The following ACMSD variants were observed in gnomAD, a reference collection of about 807,000 sequenced individuals.
The protein encoded by ACMSD is aminocarboxymuconate semialdehyde decarboxylase.
A neutral mutation model predicts 45.9 loss-of-function variants in ACMSD; 37 were observed. That is an observed-to-expected ratio of 0.81 (90% confidence interval 0.62 to 1.06). The LOEUF is 1.06. Among genes scored for constraint, ACMSD ranks in the 50% least tolerant of loss-of-function variants. The pLI is 0.00. For missense variants in ACMSD, 434 were observed against 420.9 expected, an observed-to-expected ratio of 1.03 and a Z score of -0.27; for synonymous variants, 138 against 148.8, an observed-to-expected ratio of 0.93 and a Z score of 0.53.
At chr2:134,870,093 C>T (rs1688354918) in intron 6 of ACMSD, among the ~76,000 whole-genome samples, 1 of 152,224 alleles carries the variant, frequency 6.6e-6, no homozygotes, top group African/African-American at 2.4e-5. Flanking sequence ...TGAAGCCTAG[C>T]TCCGCAGCCT....
At chr2:134,858,478 T>C (rs1354845286) in intron 2 of ACMSD, among the ~76,000 whole-genome samples, 1 of 152,126 alleles carries the variant, frequency 6.6e-6, no homozygotes, top group African/African-American at 2.4e-5. Flanking sequence ...TAAAAATGTA[T>C]TGTATACTTG....
At position 134,872,599 on chromosome 2, in the gene ACMSD, T is replaced by G. The variant is rs767141646; in HGVS notation, c.807T>G (p.His269Gln). ...LGSFYTDALV[H>Q]DPLSLKLLTD... ...CCTTTTACACAGATGCTTTGGTTCA[T>G]GATCCTCTGTCCCTCAAGCTGTTAA... Residue 269 changes from histidine to glutamine, a missense_variant, in exon 8 of 10, where the codon CAT becomes CAG. His to Gln is a conservative substitution (Grantham distance 24). Coordinates refer to ENST00000356140, the MANE Select transcript of ACMSD (RefSeq NM_138326.3). 1.2e-6 allele frequency: 2 copies of G among 1,614,070 alleles called. No individual in the cohort carries two copies. Among genetic ancestry groups the G allele is most frequent in the South Asian group, 1.1e-5 (1 of 91,090 alleles).
At chr2:134,857,059 A>AT (rs2104842769) in intron 2 of ACMSD, among the ~76,000 whole-genome samples, 1 of 152,010 alleles carries the variant, frequency 6.6e-6, no homozygotes, top group Non-Finnish European at 1.5e-5. Flanking sequence ...GTCTTCTTTA[A>AT]TTTTTTCATC....
At chr2:134,838,840 G>C (rs1686652753) in intron 1 of ACMSD, 101 bp downstream of exon 1, 1 of 867,092 alleles carries the variant, frequency 1.2e-6, no homozygotes. Context: ...TATCTGCTTT[G>C]GTGGGGGGCG....
At chr2:134,841,372 C>T (rs996610955) in intron 1 of ACMSD, among the ~76,000 whole-genome samples, 12 of 152,008 alleles carry the variant, frequency 7.9e-5, no homozygotes, top group African/African-American at 2.9e-4. Flanking sequence ...CCTTCTTGCA[C>T]AATGAAGAGA....
At chr2:134,891,807 A>G (rs1055274673) in intron 8 of ACMSD, among the ~76,000 whole-genome samples, 1 of 152,200 alleles carries the variant, frequency 6.6e-6, no homozygotes, top group Non-Finnish European at 1.5e-5. Flanking sequence ...CTATCACAAT[A>G]GCAAAGAAAT....
At chr2:134,842,297 T>C (rs1686840972) in intron 1 of ACMSD, among the ~76,000 whole-genome samples, 1 of 152,150 alleles carries the variant, frequency 6.6e-6, no homozygotes, top group Admixed American at 6.5e-5. Flanking sequence ...TTGCCCTAAA[T>C]AAGTTGAGTC....
rs996712468 is a variant in ACMSD at position 134,880,485 on chromosome 2, T to C, written c.849+7844T>C. 2.2e-4 allele frequency among the ~76,000 whole-genome samples: 33 copies of C among 152,220 alleles called. 1 individual carries two copies. Among genetic ancestry groups the C allele is most frequent in the African/African-American group, 8.0e-4 (33 of 41,464 alleles). On this transcript the variant is annotated intron_variant, in intron 8 of 9. Coordinates refer to ENST00000356140, the MANE Select transcript of ACMSD (RefSeq NM_138326.3). ...TGTTTTCTGTCTTACATACCACCTCTTTGAACTTTCGTTTTACTTTCTGGG... is the reference window on the plus strand; with the variant it reads ...TGTTTTCTGTCTTACATACCACCTCCTTGAACTTTCGTTTTACTTTCTGGG...
Position 134,869,237 on chromosome 2 carries a change from G to A in ACMSD, c.580+1565G>A, listed in dbSNP as rs920409801. ...TTATTTATTTATTTATTTAGAGACC[G>A]AGTCTCACTCTGTTGCCCAGGCTGG... On this transcript the variant is annotated intron_variant, in intron 6 of 9. Coordinates refer to ENST00000356140, the MANE Select transcript of ACMSD (RefSeq NM_138326.3). 3.1e-4 allele frequency among the ~76,000 whole-genome samples: 47 copies of A among 151,192 alleles called. 1 individual carries two copies. Among genetic ancestry groups the A allele is most frequent in the Admixed American group, 2.7e-3 (41 of 15,028 alleles).
chr2:134,883,891 CAT>C (rs2104921546), intron 8 of ACMSD, among the ~76,000 whole-genome samples: 1 of 152,334 alleles, frequency 6.6e-6, no homozygotes, highest in African/African-American at 2.4e-5. Flanking sequence ...CCTACAGGAT[CAT>C]ATACTCTTGA....
chr2:134,884,010 T>C (rs562871006), intron 8 of ACMSD, among the ~76,000 whole-genome samples: 2 of 152,314 alleles, frequency 1.3e-5, no homozygotes, highest in East Asian at 3.9e-4. Flanking sequence ...GCTTTCTCTC[T>C]TGCGAAATTA....
intron 6 of ACMSD, chr2:134,868,818 T>C (rs181919792): frequency 1.3e-5 from 2 of 152,274 alleles, no homozygotes; most frequent in Admixed American, 6.5e-5. Flanking sequence ...TTAGTAATTA[T>C]TAAGTAATCG....
intron 2 of ACMSD, among the ~76,000 whole-genome samples, chr2:134,850,660 T>TATC (rs924030661): frequency 1.1e-4 from 16 of 151,988 alleles, no homozygotes; most frequent in African/African-American, 3.6e-4. Context: ...AAGAATAATT[T>TATC]ATTATTATTA....
rs1040089089 is a variant in ACMSD at position 134,838,848 on chromosome 2, G to C, written c.57+109G>C. 1.6e-5 allele frequency: 12 copies of C among 745,138 alleles called. No homozygotes were observed. In the East Asian group the frequency reaches 1.9e-4, roughly 12 times the overall value. 46.2% of individuals were successfully genotyped at this position (745,138 alleles called of 1,614,324 possible). On this transcript the variant is annotated intron_variant, in intron 1 of 9. Coordinates refer to ENST00000356140, the MANE Select transcript of ACMSD (RefSeq NM_138326.3). Reference sequence around the variant, plus strand: ...TCTAGTTTATCTGCTTTGGTGGGGGGCGAGGGGGTTAAATCATTTGGTAGT... The same window carrying C: ...TCTAGTTTATCTGCTTTGGTGGGGGCCGAGGGGGTTAAATCATTTGGTAGT...
intron 8 of ACMSD, among the ~76,000 whole-genome samples, chr2:134,885,622 C>G (rs1689393343): frequency 6.7e-6 from 1 of 150,022 alleles, no homozygotes; most frequent in Admixed American, 6.7e-5. Context: ...AAGAAACATG[C>G]TCAAAAGTCC....
intron 7 of ACMSD, 55 bp from the exon 8 acceptor site, chr2:134,872,414 T>C: frequency 6.2e-7 from 1 of 1,606,200 alleles, no homozygotes; most frequent in South Asian, 1.1e-5. Context: ...ACATCAAGAC[T>C]AAAGGAATCC....
At position 134,855,645 on chromosome 2, in the gene ACMSD, C is replaced by G. The variant is rs188919631; in HGVS notation, c.103-3616C>G. Among the ~76,000 whole-genome samples the G allele has an allele frequency of 1.6e-4, 25 of 152,282 alleles. 1 individual carries two copies. The highest frequency in any genetic ancestry group is 2.1e-4 in the South Asian group (1 of 4,828). ...ATCTTGGTGTCCTGATGTCAGAGAC[C>G]CAGCTCTGCTAGTGTGTGGACACCT... On this transcript the variant is annotated intron_variant, in intron 2 of 9. Coordinates refer to ENST00000356140, the MANE Select transcript of ACMSD (RefSeq NM_138326.3).
At chr2:134,886,246 A>ATTATTATTATTTTTTTTTTTTTTTTTTT in intron 8 of ACMSD, among the ~76,000 whole-genome samples, 10 of 115,452 alleles carry the variant, frequency 8.7e-5, no homozygotes, top group Non-Finnish European at 1.6e-4. Flanking sequence ...TATTATTATT[A>ATTATTATTATTTTTTTTTTTTTTTTTTT]TTTTTTTTTT....
intron 2 of ACMSD, among the ~76,000 whole-genome samples, chr2:134,851,340 T>C (rs1228146132): frequency 6.6e-6 from 1 of 152,250 alleles, no homozygotes; most frequent in African/African-American, 2.4e-5. Flanking sequence ...ATAGGATCAC[T>C]AGGTTGAATG....
Sources: allele counts gnomAD v4.1 joint callset (sites outside exome capture counted in the v4.1 genomes callset), GRCh38; gene constraint gnomAD v4.1.1; transcripts MANE v1.5; gene names NCBI Gene and HGNC (gene_info 2026-07-23, HGNC 2026-07-21).